Variants in ADCY10 observed in about 807,000 individuals in gnomAD.
The protein encoded by ADCY10 is adenylate cyclase 10, also known as adenylate cyclase type 10.
Under a neutral mutation model 183.3 loss-of-function variants are expected in ADCY10, and 156 were observed. That is an observed-to-expected ratio of 0.85 (90% CI 0.75 to 0.97). The LOEUF is 0.97. Ranked by LOEUF, ADCY10 falls within the 50% of genes least tolerant of loss-of-function variation. The probability of loss-of-function intolerance (pLI) is 0.00; values close to 1 mark genes in which losing one functional copy is unlikely to be tolerated. For missense variants in ADCY10, 1,745 were observed against 1,934.3 expected, an observed-to-expected ratio of 0.90 and a Z score of 1.84; for synonymous variants, 645 against 670.0, an observed-to-expected ratio of 0.96 and a Z score of 0.58.
chr1:167,899,734 G>T, intron 5 of ADCY10, 106 bp from the exon 6 acceptor site: 1 of 1,047,874 alleles, frequency 9.5e-7, no homozygotes, highest in Non-Finnish European at 1.4e-6. Context: ...TACTATCTCA[G>T]AGCAAAATCT....
rs765104099 is a variant in ADCY10, at chr1:167,822,109, C to T, written c.4201G>A (p.Glu1401Lys). The change falls in exon 30 of 33, where the codon GAA becomes AAA. Residue 1401 changes from glutamate (E) to lysine (K), a missense_variant. Physicochemically the swap from Glu to Lys is moderately conservative, Grantham distance 56. Coordinates refer to ENST00000367851, the MANE Select transcript of ADCY10 (RefSeq NM_018417.6). ...TTGTTTTCGTATTGGTGTATGAATT[C>T]CAAACATTCTTCAAATGTTCTATAA... ...FVYRTFEECL[E>K]FIHQYENNRI... The T allele has an allele frequency of 2.5e-6, 4 of 1,607,900 alleles. No homozygotes were observed.
At chr1:167,896,571 C>T in intron 7 of ADCY10, 24 bp downstream of exon 7, 2 of 1,570,360 alleles carry the variant, frequency 1.3e-6, no homozygotes, top group Non-Finnish European at 8.8e-7. Flanking sequence ...GAGGCAAAGG[C>T]ATTTTTCCAT....
intron 13 of ADCY10, among the ~76,000 whole-genome samples, chr1:167,871,564 T>C (rs1162821981): frequency 6.6e-6 from 1 of 152,234 alleles, no homozygotes; most frequent in Non-Finnish European, 1.5e-5. Context: ...GTGAGCAATT[T>C]CTGTCAAAAA....
At chr1:167,858,154 G>A (rs1337931503) in intron 16 of ADCY10, among the ~76,000 whole-genome samples, 1 of 151,990 alleles carries the variant, frequency 6.6e-6, no homozygotes, top group Non-Finnish European at 1.5e-5. Flanking sequence ...CAATTATGAG[G>A]CACATTTCTC....
intron 7 of ADCY10, among the ~76,000 whole-genome samples, chr1:167,895,172 C>G (rs1438312437): frequency 1.4e-5 from 2 of 145,678 alleles, no homozygotes; most frequent in Non-Finnish European, 3.0e-5. Flanking sequence ...CAGAGTGAGA[C>G]TCCATCTCAA....
intron 31 of ADCY10, among the ~76,000 whole-genome samples, chr1:167,813,661 G>A (rs765963459): frequency 5.3e-5 from 8 of 152,174 alleles, no homozygotes; most frequent in Non-Finnish European, 1.2e-4. Context: ...ATAACAGTTT[G>A]TAACTTGTTT....
chr1:167,824,429 A>G (rs750562219), intron 28 of ADCY10, 47 bp downstream of exon 28: 2 of 1,512,414 alleles, frequency 1.3e-6, no homozygotes, highest in South Asian at 1.1e-5. Flanking sequence ...ATACTCAATA[A>G]TACGGCCTCC....
chr1:167,858,702 A>G (rs1487689927), intron 16 of ADCY10, among the ~76,000 whole-genome samples: 1 of 152,180 alleles, frequency 6.6e-6, no homozygotes, highest in Non-Finnish European at 1.5e-5. Flanking sequence ...AAGAGGTGAC[A>G]TTGAAAGATG....
intron 13 of ADCY10, 78 bp from the exon 14 acceptor site, chr1:167,870,488 C>T: frequency 2.3e-6 from 3 of 1,294,210 alleles, no homozygotes; most frequent in Non-Finnish European, 3.2e-6. Context: ...CACATAGAAA[C>T]CCTCCTTCTA....
intron 18 of ADCY10, among the ~76,000 whole-genome samples, chr1:167,850,662 CGTGTGTGTGT>C (rs35744623): frequency 1.1e-5 from 1 of 87,920 alleles, no homozygotes; most frequent in Non-Finnish European, 2.2e-5. Flanking sequence ...AAAAGGGGGC[CGTGTGTGTGT>C]GTGTGTGTGT....
intron 21 of ADCY10, among the ~76,000 whole-genome samples, chr1:167,841,412 T>C (rs1189132340): frequency 6.6e-6 from 1 of 151,720 alleles, no homozygotes; most frequent in Non-Finnish European, 1.5e-5. Context: ...TGCTTTGCAG[T>C]GAAGTCACCC....
At chr1:167,872,525 C>A in intron 13 of ADCY10, among the ~76,000 whole-genome samples, 1 of 151,942 alleles carries the variant, frequency 6.6e-6, no homozygotes, top group East Asian at 1.9e-4. Flanking sequence ...TCTATCTAAG[C>A]AAAGCCTCAA....
At chr1:167,841,355 C>G (rs1664623836) in intron 21 of ADCY10, among the ~76,000 whole-genome samples, 1 of 152,086 alleles carries the variant, frequency 6.6e-6, no homozygotes, top group African/African-American at 2.4e-5. Flanking sequence ...CTTCCCCAGC[C>G]ACTCACACAG....
chr1:167,818,345 A>T, intron 30 of ADCY10, 78 bp from the exon 31 acceptor site: 1 of 1,290,120 alleles, frequency 7.8e-7, no homozygotes, highest in Non-Finnish European at 1.1e-6. Flanking sequence ...GTCTCTCTGG[A>T]TGTGCAGCTT....
chr1:167,906,434 T>C (rs1307611570), intron 1 of ADCY10, among the ~76,000 whole-genome samples: 1 of 151,930 alleles, frequency 6.6e-6, no homozygotes, highest in Non-Finnish European at 1.5e-5. Context: ...AGTCAATAGA[T>C]AAAATTAAAT....
chr1:167,846,613 A>G (rs997110223), intron 19 of ADCY10, among the ~76,000 whole-genome samples: 3 of 152,328 alleles, frequency 2.0e-5, no homozygotes, highest in South Asian at 2.1e-4. Flanking sequence ...AGGCCCTGCC[A>G]TTCCTGTGCT....
chr1:167,809,739 A>C lies in ADCY10; in HGVS notation c.4772T>G (p.Ile1591Ser). ...WEKIVAGRVNIQDLQKNKFLM... is the reference protein window; with the variant it reads ...WEKIVAGRVNSQDLQKNKFLM... Reference sequence around the variant, plus strand: ...GAATTTGTTTTTTTGAAGATCCTGAATGTTTACCCTGCCTGCTACAATTTT... The same window carrying C: ...GAATTTGTTTTTTTGAAGATCCTGACTGTTTACCCTGCCTGCTACAATTTT... Residue 1591 changes from isoleucine (I) to serine (S), a missense_variant, in exon 33 of 33, where the codon ATT becomes AGT. Physicochemically the swap from Ile to Ser is moderately radical, Grantham distance 142. Transcript: ENST00000367851. 1 of 1,614,166 alleles carries C rather than the reference A, an allele frequency of 6.2e-7. No homozygotes were observed. The highest frequency in any genetic ancestry group is 1.7e-5 in the Admixed American group (1 of 60,026).
Position 167,876,437 on chromosome 1 carries a change from C to G in ADCY10, c.1407-1251G>C, listed in dbSNP as rs75871387. ...TCCATAACACTATCTCTTGAAGAAG[C>G]CTTTTAGTCAAAATGGATTATGCCC... On this transcript the variant is annotated intron_variant, in intron 12 of 32. Coordinates refer to ENST00000367851, the MANE Select transcript of ADCY10 (RefSeq NM_018417.6). 2.4e-3 allele frequency among the ~76,000 whole-genome samples: 361 copies of G among 152,186 alleles called. 1 individual carries two copies. The highest frequency in any genetic ancestry group is 8.3e-3 in the African/African-American group (344 of 41,534).
At position 167,845,696 on chromosome 1, in the gene ADCY10, T is replaced by C. The variant is rs752913945; in HGVS notation, c.2874A>G (p.Glu958=). The C allele has an allele frequency of 6.2e-7, 1 of 1,614,246 alleles. No individual in the cohort carries two copies. Among genetic ancestry groups the C allele is most frequent in the East Asian group, 2.2e-5 (1 of 44,894 alleles). ...AMHLKCARFL[E]EDAHRCDHCR... is the part of the protein sequence containing the mutation. The stretch of plus-strand genomic sequence containing the variant: ...AGTGGTCACATCTGTGGGCATCTTC[T>C]TCTAAAAAGCGGGCACATTTCAAGT... The change falls in exon 21 of 33, where the codon GAA becomes GAG. Residue 958 remains glutamate, a synonymous_variant. Coordinates refer to ENST00000367851, the MANE Select transcript of ADCY10 (RefSeq NM_018417.6).
Sources: gnomAD v4.1 joint callset for allele counts (sites outside exome capture counted in the v4.1 genomes callset) on GRCh38, gnomAD v4.1.1 for gene constraint, MANE v1.5 for transcripts, NCBI Gene and HGNC (gene_info 2026-07-23, HGNC 2026-07-21) for gene names.